MBOAT7: variants seen among roughly 807,000 people sequenced by gnomAD.
The protein encoded by MBOAT7 is membrane bound acylglycerophosphatidylinositol O-acyltransferase MBOAT7.
A neutral mutation model predicts 47.4 loss-of-function variants in MBOAT7; 40 were observed. That is an observed-to-expected ratio of 0.84 (90% CI 0.66 to 1.10). MBOAT7 has a LOEUF of 1.10. MBOAT7 is among the 50% of genes least tolerant of loss of function. The probability of loss-of-function intolerance (pLI) is 0.00; values close to 1 mark genes in which losing one functional copy is unlikely to be tolerated. For missense variants in MBOAT7, 680 were observed against 655.6 expected, an observed-to-expected ratio of 1.04 and a Z score of -0.41; for synonymous variants, 361 against 292.0, an observed-to-expected ratio of 1.24 and a Z score of -2.41.
chr19:54,188,161 C>T, intron 3 of MBOAT7, 56 bp downstream of exon 3: 1 of 1,520,164 alleles, frequency 6.6e-7, no homozygotes, highest in South Asian at 1.3e-5. Context: ...AAAGAGGAAA[C>T]AGGTTGCTTC....
At chr19:54,176,585 C>T (rs1408028980) in intron 7 of MBOAT7, among the ~76,000 whole-genome samples, 3 of 152,082 alleles carry the variant, frequency 2.0e-5, no homozygotes, top group Non-Finnish European at 4.4e-5. Flanking sequence ...TTAGGAGCAT[C>T]CCTGGCCCCC....
At chr19:54,175,663 C>T (rs139269197) in intron 7 of MBOAT7, among the ~76,000 whole-genome samples, 296 of 152,308 alleles carry the variant, frequency 1.9e-3, no homozygotes, top group Non-Finnish European at 3.4e-3. Flanking sequence ...GATTCTTATG[C>T]CTCAGCCTCC....
At chr19:54,185,493 G>A (rs1326020236) in intron 4 of MBOAT7, among the ~76,000 whole-genome samples, 2 of 151,970 alleles carry the variant, frequency 1.3e-5, no homozygotes, top group African/African-American at 2.4e-5. Context: ...TGCCCAATTG[G>A]TGGCCACTCC....
rs750628011 is a variant in MBOAT7, at chr19:54,180,689, C to T, written c.854+84G>A. ...GTGGTGGCCCTGGCCCCTTGCTCCCCGCTCTCCTCCCGGCTAGGGGCAGAG... is the reference window on the plus strand; with the variant it reads ...GTGGTGGCCCTGGCCCCTTGCTCCCTGCTCTCCTCCCGGCTAGGGGCAGAG... On this transcript the variant is annotated intron_variant, in intron 6 of 7. Transcript: ENST00000245615. This position sits in a 1 kb window ranked among gnomAD's most constrained non-coding sequence, Gnocchi z 5.2. 9.7e-5 allele frequency: 128 copies of T among 1,324,736 alleles called. 1 individual carries two copies. The highest frequency in any genetic ancestry group is 4.5e-4 in the African/African-American group (30 of 66,736). The allele number at this position is 1,324,736 out of a possible 1,614,324, so 82.1% of individuals were successfully genotyped here. A position where few individuals can be genotyped will look rare whatever the true frequency, so the allele number is the denominator to read the frequency against.
chr19:54,187,020 C>A, intron 4 of MBOAT7, 141 bp downstream of exon 4: 1 of 1,047,274 alleles, frequency 9.5e-7, no homozygotes. Flanking sequence ...ATGCTGTGCC[C>A]AGGGCAGCAA....
chr19:54,187,479 G>A (rs1339440368), intron 3 of MBOAT7, among the ~76,000 whole-genome samples, 192 bp from the exon 4 acceptor site: 1 of 152,234 alleles, frequency 6.6e-6, no homozygotes, highest in African/African-American at 2.4e-5. Flanking sequence ...GGGAGAAGAG[G>A]CTCAGCCACA....
intron 3 of MBOAT7, 78 bp from the exon 4 acceptor site, chr19:54,187,365 C>T: frequency 1.4e-6 from 2 of 1,466,342 alleles, no homozygotes; most frequent in Middle Eastern, 1.8e-4. Flanking sequence ...GTCCAGCCAC[C>T]AATCCTCCCC....
chr19:54,174,127 C>A lies in MBOAT7; in HGVS notation c.1336G>T (p.Ala446Ser). 2 of 1,598,898 alleles carry A rather than the reference C, an allele frequency of 1.3e-6. No homozygotes were observed. The highest frequency in any genetic ancestry group is 1.1e-5 in the South Asian group (1 of 89,456). ...CGGCTGGGGCTGCCCCCACCTAAAG[C>A]CAGCCCCAGCCCCAGGGCTGCCAGG... Reference protein sequence around the residue: ...LALAALGLGLALGGGSPSRRK... With the variant: ...LALAALGLGLSLGGGSPSRRK... Residue 446 changes from alanine to serine, a missense_variant, in exon 8 of 8, where the codon GCT (alanine) becomes TCT (serine). Ala to Ser is a moderately conservative substitution (Grantham distance 99). Transcript: ENST00000245615.
At chr19:54,187,548 A>G (rs1212562901) in intron 3 of MBOAT7, among the ~76,000 whole-genome samples, 2 of 152,214 alleles carry the variant, frequency 1.3e-5, no homozygotes, top group Admixed American at 6.5e-5. Context: ...AGACCCTGCA[A>G]TCCTCCACTT....
In MBOAT7 at chr19:54,183,630, C is replaced by T; in HGVS notation, c.384G>A (p.Lys128=). 1.2e-6 allele frequency: 2 copies of T among 1,603,942 alleles called. No individual in the cohort carries two copies. Among genetic ancestry groups the T allele is most frequent in the South Asian group, 1.1e-5 (1 of 89,182 alleles). The part of the protein sequence containing the change: ...EVQDLHLAQR[K]EMASGFSKGP... The stretch of plus-strand genomic sequence containing the variant: ...CCTTGCTGAAGCCTGAGGCCATTTC[C>T]TTCCTCTGGGCCAGATGCAGGTCCT... Residue 128 remains lysine, a synonymous_variant, in exon 5 of 8, where the codon AAG becomes AAA. Transcript: ENST00000245615.
At chr19:54,178,365 T>C in intron 7 of MBOAT7, 1 of 1,122,438 alleles carries the variant, frequency 8.9e-7, no homozygotes, top group Non-Finnish European at 1.1e-6. Context: ...TTATCACATT[T>C]AGTCCTTCTA....
intron 4 of MBOAT7, among the ~76,000 whole-genome samples, chr19:54,184,722 G>GAA (rs2076383640): frequency 6.6e-6 from 1 of 152,046 alleles, no homozygotes; most frequent in Admixed American, 6.6e-5. Context: ...GACCAACATG[G>GAA]AAAAACCCTG....
In MBOAT7 at chr19:54,178,199, C is replaced by T. The variant is rs114188312; in HGVS notation, c.1031+566G>A. The T allele has an allele frequency of 1.8e-3, 1,783 of 985,626 alleles. 3 individuals carry two copies. The highest frequency in any genetic ancestry group is 0.016 in the African/African-American group (895 of 57,286). 61.1% of individuals were successfully genotyped at this position (985,626 alleles called of 1,614,324 possible). ...TGCTGGGATTCCAGGCGTGAGCTGC[C>T]GCACCCGGCTGAGTTTCTGCTTCTA... On this transcript the variant is annotated intron_variant, in intron 7 of 7. Transcript: ENST00000245615.
chr19:54,188,125 C>G (rs36626), intron 3 of MBOAT7, 92 bp downstream of exon 3: 534,774 of 1,247,342 alleles, frequency 0.43, 123,347 homozygotes, highest in East Asian at 0.54. Context: ...GACAGCTAGA[C>G]ATGAGGCAGA....
intron 4 of MBOAT7, among the ~76,000 whole-genome samples, chr19:54,186,199 G>A (rs553406720): frequency 6.6e-6 from 1 of 151,728 alleles, no homozygotes; most frequent in Admixed American, 6.6e-5. Flanking sequence ...ATTTTTAGTA[G>A]AGACAGGGTT....
chr19:54,182,981 G>A (rs1210586855), intron 5 of MBOAT7, among the ~76,000 whole-genome samples: 4 of 150,020 alleles, frequency 2.7e-5, no homozygotes, highest in African/African-American at 7.4e-5. Flanking sequence ...GATTACAGGC[G>A]TGAGCCACTG....
intron 5 of MBOAT7, among the ~76,000 whole-genome samples, chr19:54,182,394 T>A (rs981562355): frequency 6.6e-6 from 1 of 152,082 alleles, no homozygotes; most frequent in East Asian, 1.9e-4. Context: ...ATGATGGACA[T>A]GGGGTTTCTT....
chr19:54,188,073 A>AGAGAG, intron 3 of MBOAT7, 144 bp downstream of exon 3: 1 of 633,342 alleles, frequency 1.6e-6, no homozygotes, highest in Non-Finnish European at 2.5e-6. Context: ...AAGAAAGACA[A>AGAGAG]ACAAACAAAC....
intron 2 of MBOAT7, 36 bp downstream of exon 2, chr19:54,188,397 C>T (rs751136697): frequency 6.4e-5 from 102 of 1,588,260 alleles, no homozygotes; most frequent in Non-Finnish European, 8.6e-5. Flanking sequence ...AGGGTCCCCC[C>T]CCTTTATTTT....
Sources: gnomAD v4.1 joint callset for allele counts (sites outside exome capture counted in the v4.1 genomes callset) on GRCh38, gnomAD v4.1.1 for gene constraint, Gnocchi (gnomAD v3.1) non-coding constraint, MANE v1.5 for transcripts, NCBI Gene and HGNC (gene_info 2026-07-23, HGNC 2026-07-21) for gene names.